Variants in COLEC10 observed in about 807,000 individuals in gnomAD.
COLEC10 encodes collectin subfamily member 10.
Under a neutral mutation model 28.4 loss-of-function variants are expected in COLEC10, and 22 were observed. That is an observed-to-expected ratio of 0.78 (90% CI 0.55 to 1.11). The LOEUF (loss-of-function observed/expected upper bound fraction) is 1.11. COLEC10 is among the 50% of genes least tolerant of loss of function. The pLI, the probability that COLEC10 is intolerant of heterozygous loss-of-function variation, is 0.00. For synonymous variants in COLEC10, 125 were observed against 116.1 expected (o/e 1.08, Z -0.49); for missense variants, 361 against 344.1 (o/e 1.05, Z -0.39).
At chr8:118,995,768 G>A (rs1813577810) in intron 1 of COLEC10, among the ~76,000 whole-genome samples, 1 of 152,104 alleles carries the variant, frequency 6.6e-6, no homozygotes, top group Admixed American at 6.6e-5. Flanking sequence ...TAATGCTATA[G>A]CAAGAAGGAA....
intron 3 of COLEC10, among the ~76,000 whole-genome samples, chr8:119,098,668 T>C (rs1815766057): frequency 6.6e-6 from 1 of 152,128 alleles, no homozygotes. Flanking sequence ...AAAAACTGCA[T>C]AATAAAACAT....
At chr8:119,031,730 T>C (rs1481599528) in intron 2 of COLEC10, among the ~76,000 whole-genome samples, 4 of 152,194 alleles carry the variant, frequency 2.6e-5, no homozygotes, top group Non-Finnish European at 5.9e-5. Flanking sequence ...TCTGATTGTG[T>C]TAAATTTAAT....
chr8:119,104,506 A>AT (rs1815900504), intron 5 of COLEC10, among the ~76,000 whole-genome samples: 1 of 152,068 alleles, frequency 6.6e-6, no homozygotes, highest in Non-Finnish European at 1.5e-5. Context: ...TCCCTTGTCC[A>AT]TTTTTTAATG....
intron 2 of COLEC10, among the ~76,000 whole-genome samples, chr8:119,028,749 G>T (rs16891884): frequency 0.044 from 6,687 of 152,240 alleles, 214 homozygotes; most frequent in East Asian, 0.16. Flanking sequence ...CTATGTGAAG[G>T]CTGTTTCAAA....
At chr8:119,032,484 G>A (rs939772394) in intron 2 of COLEC10, among the ~76,000 whole-genome samples, 2 of 152,116 alleles carry the variant, frequency 1.3e-5, no homozygotes, top group Non-Finnish European at 1.5e-5. Context: ...AAGGCCCACT[G>A]GAAATTCTAC....
At chr8:119,086,561 G>C (rs1815485190) in intron 1 of COLEC10, among the ~76,000 whole-genome samples, 1 of 152,128 alleles carries the variant, frequency 6.6e-6, no homozygotes, top group Admixed American at 6.5e-5. Context: ...AGTCACATGG[G>C]TTGAAGGATA....
chr8:119,021,326 G>A (rs1814087586), intron 2 of COLEC10, among the ~76,000 whole-genome samples: 1 of 152,180 alleles, frequency 6.6e-6, no homozygotes, highest in Non-Finnish European at 1.5e-5. Context: ...AAAGGGCTGT[G>A]TAGCACTGCA....
intron 2 of COLEC10, among the ~76,000 whole-genome samples, chr8:119,016,183 C>T (rs1014257791): frequency 2.0e-5 from 3 of 152,052 alleles, no homozygotes; most frequent in Admixed American, 6.5e-5. Context: ...TCCCTTGCCC[C>T]CAAACCCCTG....
In COLEC10 at chr8:119,082,491, A is replaced by G. The variant is rs139586300; in HGVS notation, c.149-7189A>G. 6.6e-5 allele frequency among the ~76,000 whole-genome samples: 10 copies of G among 152,330 alleles called. No individual in the cohort carries two copies. The East Asian group carries it at 1.9e-3, about 29-fold the overall frequency. On this transcript the variant is annotated intron_variant, in intron 1 of 5. Coordinates refer to ENST00000332843, the MANE Select transcript of COLEC10 (RefSeq NM_006438.5). ...GTGCCAAGTGCTAGGAATACAGTCT[A>G]TCATCCCTGACCTGTCTTATCACCT...
chr8:119,070,476 T>TCTCTCTCTCTCC (rs1554627418), intron 1 of COLEC10, among the ~76,000 whole-genome samples: 2 of 99,036 alleles, frequency 2.0e-5, no homozygotes, highest in African/African-American at 8.7e-5. Context: ...TCTCTCTCTC[T>TCTCTCTCTCTCC]CCTTCCCCCT....
At chr8:118,980,399 G>A in the COLEC10 span, among the ~76,000 whole-genome samples, 2 of 151,784 alleles carry the variant, frequency 1.3e-5, no homozygotes, top group Non-Finnish European at 2.9e-5. Context: ...CACCATGTTG[G>A]CCAGGGTGGT....
the COLEC10 span, among the ~76,000 whole-genome samples, chr8:118,968,335 C>T: frequency 5.3e-5 from 8 of 151,818 alleles, no homozygotes; most frequent in African/African-American, 1.9e-4. Context: ...AAAATCTTTG[C>T]TCTTATCCCT....
rs1033762839 is a variant in COLEC10, at chr8:119,106,897, T to G, written c.*706T>G. 1.3e-5 allele frequency among the ~76,000 whole-genome samples: 2 copies of G among 152,166 alleles called. No individual in the cohort carries two copies. Among genetic ancestry groups the G allele is most frequent in the Non-Finnish European group, 2.9e-5 (2 of 68,030 alleles). On this transcript the variant is annotated 3_prime_UTR_variant, in exon 6 of 6. Transcript: ENST00000332843. ...GAACCCCTTTCTGTAGGCTCACACC[T>G]TAATCTCAGGCCCCTATATAGTCAC...
intron 1 of COLEC10, among the ~76,000 whole-genome samples, chr8:119,074,848 A>G (rs2130241746): frequency 6.6e-6 from 1 of 152,316 alleles, no homozygotes; most frequent in Middle Eastern, 3.4e-3. Context: ...TAGGGTTGTC[A>G]TGGGGATTGC....
At chr8:119,000,134 T>C (rs1459324245) in intron 1 of COLEC10, among the ~76,000 whole-genome samples, 3 of 152,158 alleles carry the variant, frequency 2.0e-5, no homozygotes, top group South Asian at 2.1e-4. Context: ...TATTCCATTA[T>C]AACAGGGAGA....
upstream of COLEC10, among the ~76,000 whole-genome samples, chr8:119,064,297 A>C (rs1374347842): frequency 6.6e-6 from 1 of 152,222 alleles, no homozygotes; most frequent in Non-Finnish European, 1.5e-5. Flanking sequence ...TTATTGAGTA[A>C]AAAAAGGAGG....
Position 119,096,329 on chromosome 8 carries a change from C to T in COLEC10, c.292+5109C>T, listed in dbSNP as rs141563259. 3.4e-4 allele frequency among the ~76,000 whole-genome samples: 52 copies of T among 152,278 alleles called. 1 individual carries two copies. The East Asian group carries it at 8.9e-3, about 26-fold the overall frequency. On this transcript the variant is annotated intron_variant, in intron 3 of 5. Coordinates refer to ENST00000332843, the MANE Select transcript of COLEC10 (RefSeq NM_006438.5). ...ACTTCTGGCCAGGTACAGTAGCTGA[C>T]GCCTGTACTCCCAGCACTTTGGGAA... is the stretch of plus-strand genomic sequence containing the variant.
At chr8:119,028,602 C>T (rs1814235430) in intron 2 of COLEC10, among the ~76,000 whole-genome samples, 1 of 152,162 alleles carries the variant, frequency 6.6e-6, no homozygotes, top group Non-Finnish European at 1.5e-5. Context: ...CATTCAATCA[C>T]CTCCCCCTGA....
At chr8:118,990,828 A>G (rs1813493979), upstream of COLEC10, among the ~76,000 whole-genome samples, 1 of 152,094 alleles carries the variant, frequency 6.6e-6, no homozygotes, top group South Asian at 2.1e-4. Context: ...GGGCAAAGCA[A>G]ACTGAGAGTC....
Sources: allele counts gnomAD v4.1 joint callset (sites outside exome capture counted in the v4.1 genomes callset), GRCh38; gene constraint gnomAD v4.1.1; transcripts MANE v1.5; gene names NCBI Gene and HGNC (gene_info 2026-07-23, HGNC 2026-07-21).